Variants in ART3 observed in about 807,000 individuals in gnomAD.
The protein encoded by ART3 is ecto-ADP-ribosyltransferase 3.
In ART3, 49 loss-of-function variants were observed where a neutral mutation model predicts 48.5. That is an observed-to-expected ratio of 1.01 (90% CI 0.80 to 1.28). The LOEUF is 1.28. Among genes scored for constraint, ART3 ranks in the 50% most tolerant of loss-of-function variants. ART3 has a pLI of 0.00. For synonymous variants in ART3, 145 were observed against 157.2 expected (o/e 0.92, Z 0.58); for missense variants, 438 against 454.3 (o/e 0.96, Z 0.33).
chr4:76,092,060 A>G (rs942019811), intron 3 of ART3, among the ~76,000 whole-genome samples: 2 of 152,164 alleles, frequency 1.3e-5, no homozygotes, highest in African/African-American at 4.8e-5. Flanking sequence ...TGTTCATTGT[A>G]TTCTTTTCTT....
upstream of ART3, among the ~76,000 whole-genome samples, chr4:76,072,788 A>G (rs1022625533): frequency 3.3e-5 from 5 of 151,790 alleles, no homozygotes; most frequent in Non-Finnish European, 5.9e-5. Flanking sequence ...TAATGTTCCA[A>G]CCATATTGGC....
At chr4:76,088,149 T>C (rs565660761) in intron 3 of ART3, among the ~76,000 whole-genome samples, 3 of 152,222 alleles carry the variant, frequency 2.0e-5, no homozygotes, top group South Asian at 4.2e-4. Context: ...AGCCATGGCT[T>C]TGGGGCTCCC....
chr4:76,051,742 A>G (rs1054848876), intron 1 of ART3, among the ~76,000 whole-genome samples: 6 of 151,940 alleles, frequency 3.9e-5, no homozygotes, highest in Non-Finnish European at 7.4e-5. Flanking sequence ...GGGTTTCGCC[A>G]TGTTGCCCAG....
At chr4:76,111,857 A>G (rs1729555059) in intron 11 of ART3, 1 of 152,490 alleles carries the variant, frequency 6.6e-6, no homozygotes, top group South Asian at 2.1e-4. Context: ...AGTATATAAT[A>G]CATTTACAAA....
intron 3 of ART3, among the ~76,000 whole-genome samples, chr4:76,095,215 A>G (rs778108227): frequency 2.6e-5 from 4 of 152,176 alleles, no homozygotes; most frequent in Non-Finnish European, 5.9e-5. Flanking sequence ...ACTCTGTGTT[A>G]AACATTAAAG....
At chr4:76,019,734 G>A (rs562304669) in intron 1 of ART3, among the ~76,000 whole-genome samples, 19 of 151,334 alleles carry the variant, frequency 1.3e-4, no homozygotes, top group African/African-American at 4.4e-4. Context: ...GATTACAGGT[G>A]TGAGCCACCG....
Position 76,056,734 on chromosome 4 carries a change from G to T in ART3, c.-9-19147G>T, listed in dbSNP as rs548053872. 9.2e-5 allele frequency among the ~76,000 whole-genome samples: 14 copies of T among 152,144 alleles called. No homozygotes were observed. The South Asian group carries it at 2.7e-3, about 29-fold the overall frequency. On this transcript the variant is annotated intron_variant, in intron 1 of 9. Transcript: ENST00000341029. The stretch of plus-strand genomic sequence containing the variant: ...CCTTTCTCCCTAGGAAAAAAAATAC[G>T]TACTAGATTAGATTTCTAGGCTAGC...
At chr4:76,063,177 G>A (rs1394878970) in intron 1 of ART3, among the ~76,000 whole-genome samples, 3 of 151,784 alleles carry the variant, frequency 2.0e-5, no homozygotes, top group Non-Finnish European at 2.9e-5. Context: ...CTTCATGGAC[G>A]GAAGCTTCCT....
chr4:76,070,548 G>T (rs1304545670), upstream of ART3, among the ~76,000 whole-genome samples: 1 of 152,086 alleles, frequency 6.6e-6, no homozygotes, highest in Non-Finnish European at 1.5e-5. Context: ...GCTTGAAAAA[G>T]CTACAGTCTT....
chr4:76,105,718 T>C (rs1728329591), intron 10 of ART3: 2 of 985,286 alleles, frequency 2.0e-6, no homozygotes, highest in Admixed American at 6.2e-5. Flanking sequence ...AGAATTTCTT[T>C]CAGTGTGAGC....
At chr4:76,063,420 CTG>C (rs1171414918) in intron 1 of ART3, among the ~76,000 whole-genome samples, 4 of 152,124 alleles carry the variant, frequency 2.6e-5, no homozygotes, top group African/African-American at 4.8e-5. Flanking sequence ...AATATATTCT[CTG>C]TACCTTATAC....
intron 5 of ART3, chr4:76,099,564 T>C (rs947045940): frequency 1.2e-5 from 2 of 160,570 alleles, no homozygotes; most frequent in African/African-American, 2.4e-5. Context: ...TGACCAGTTA[T>C]GAGGGCTTCT....
intron 3 of ART3, among the ~76,000 whole-genome samples, chr4:76,091,242 T>C (rs76934606): frequency 0.013 from 2,051 of 152,324 alleles, 41 homozygotes; most frequent in African/African-American, 0.047. Flanking sequence ...TATGCTTTCA[T>C]TACACTTGAG....
chr4:76,055,379 A>G (rs1172666008), intron 1 of ART3, among the ~76,000 whole-genome samples: 2 of 152,234 alleles, frequency 1.3e-5, no homozygotes, highest in Non-Finnish European at 2.9e-5. Context: ...AGTCCTCACA[A>G]TAATTCTGTA....
At chr4:76,018,748 C>G (rs1162799557) in intron 1 of ART3, among the ~76,000 whole-genome samples, 1 of 151,940 alleles carries the variant, frequency 6.6e-6, no homozygotes, top group Non-Finnish European at 1.5e-5. Flanking sequence ...TATGCCAGAG[C>G]TGAGCATGGT....
intron 3 of ART3, among the ~76,000 whole-genome samples, chr4:76,093,648 A>G (rs1302114744): frequency 6.6e-6 from 1 of 152,214 alleles, no homozygotes; most frequent in Admixed American, 6.5e-5. Flanking sequence ...GTAAAATAAC[A>G]TATTCACAGG....
At position 76,082,217 on chromosome 4, in the gene ART3, G is replaced by A. The variant is rs769932601; in HGVS notation, c.463G>A (p.Ala155Thr). ...GCAGTTGCTGAGAAAACCTTGTGAG[G>A]CCAGTTCCAAAACTGTGGTATATAG... ...ALQLLRKPCE[A>T]SSKTVVYRTS... Residue 155 changes from alanine to threonine, a missense_variant, in exon 3 of 12, where the codon GCC becomes ACC. Coordinates refer to ENST00000355810, the MANE Select transcript of ART3 (RefSeq NM_001130016.3). 2 of 1,614,128 alleles carry A rather than the reference G, an allele frequency of 1.2e-6. No individual in the cohort carries two copies. Among genetic ancestry groups the A allele is most frequent in the Middle Eastern group, 1.7e-4 (1 of 6,060 alleles).
intron 5 of ART3, 128 bp downstream of exon 5, chr4:76,099,115 A>C: frequency 1.3e-6 from 1 of 783,364 alleles, no homozygotes. Flanking sequence ...CAGCCTGGGC[A>C]ACATGGCGGA....
intron 1 of ART3, among the ~76,000 whole-genome samples, chr4:76,040,319 C>T (rs754505999): frequency 3.3e-5 from 5 of 151,752 alleles, no homozygotes; most frequent in Admixed American, 1.3e-4. Context: ...AGAGAGACTC[C>T]GTCTCAAAAA....
Sources: gnomAD v4.1 joint callset for allele counts (sites outside exome capture counted in the v4.1 genomes callset) on GRCh38, gnomAD v4.1.1 for gene constraint, MANE v1.5 for transcripts, NCBI Gene and HGNC (gene_info 2026-07-23, HGNC 2026-07-21) for gene names.